The following GTPBP4 variants were observed in gnomAD, a reference collection of about 807,000 sequenced individuals.
The protein encoded by GTPBP4 is GTP binding protein 4.
Under a neutral mutation model 81.7 loss-of-function variants are expected in GTPBP4, and 15 were observed. The observed-to-expected ratio is 0.18, with a 90% CI of 0.12 to 0.28. The LOEUF (loss-of-function observed/expected upper bound fraction) is 0.28. Ranked by LOEUF, GTPBP4 falls within the 10% of genes least tolerant of loss-of-function variation. The probability of loss-of-function intolerance (pLI) is 1.00; values close to 1 mark genes in which losing one functional copy is unlikely to be tolerated. For synonymous variants in GTPBP4, 272 were observed against 274.6 expected, an observed-to-expected ratio of 0.99 and a Z score of 0.09; for missense variants, 847 against 793.8, an observed-to-expected ratio of 1.07 and a Z score of -0.81.
chr10:988,656 A>C, intron 1 of GTPBP4, 129 bp downstream of exon 1: 1 of 694,890 alleles, frequency 1.4e-6, no homozygotes, highest in Non-Finnish European at 2.5e-6. Context: ...CCTGGGCCTG[A>C]CCGTCTGGCC....
chr10:1,014,358 T>G, intron 15 of GTPBP4, 46 bp downstream of exon 15: 1 of 1,397,332 alleles, frequency 7.2e-7, no homozygotes, highest in Non-Finnish European at 1.0e-6. Context: ...GGATACACCT[T>G]TTTAATAAAG....
chr10:1,008,929 CAT>C (rs1487401411), intron 10 of GTPBP4, 27 bp from the exon 11 acceptor site: 1 of 1,528,822 alleles, frequency 6.5e-7, no homozygotes, highest in Non-Finnish European at 9.1e-7. Context: ...AGGCATTTCA[CAT>C]AAATATTTTA....
Position 1,019,752 on chromosome 10 carries a change from C to G in GTPBP4, c.*2525C>G. The stretch of plus-strand genomic sequence containing the variant: ...GTTTTTCCTCACAAGCAGAAGGTAA[C>G]AAATTTCATGCTCTCCCCAAATTCT... On this transcript the variant is annotated 3_prime_UTR_variant, in exon 17 of 17. Coordinates refer to ENST00000360803, the MANE Select transcript of GTPBP4 (RefSeq NM_012341.3). 1 of 1,613,998 alleles carries G rather than the reference C, an allele frequency of 6.2e-7. No individual in the cohort carries two copies. Among genetic ancestry groups the G allele is most frequent in the Non-Finnish European group, 8.5e-7 (1 of 1,180,008 alleles).
intron 13 of GTPBP4, 78 bp downstream of exon 13, chr10:1,010,598 CG>C: frequency 1.2e-6 from 1 of 842,984 alleles, no homozygotes; most frequent in Admixed American, 1.7e-5. Context: ...AGCATGGCTT[CG>C]GCTCAGCTGG....
chr10:1,007,945 T>C lies in GTPBP4; in HGVS notation c.1113+817T>C, dbSNP rs534763416. On this transcript the variant is annotated intron_variant, in intron 10 of 16. Coordinates refer to ENST00000360803, the MANE Select transcript of GTPBP4 (RefSeq NM_012341.3). ...ATTTGTTACTTTTGTATTACAAAGG[T>C]TGGATTCTTGTCAGATACATTGCAA... The C allele has an allele frequency of 5.8e-6, 3 of 518,276 alleles. No homozygotes were observed. In the Admixed American group the frequency reaches 5.8e-5, roughly 10 times the overall value. 32.1% of individuals were successfully genotyped at this position (518,276 alleles called of 1,614,324 possible).
chr10:1,014,503 CA>C (rs1266997870), intron 15 of GTPBP4, among the ~76,000 whole-genome samples, 191 bp downstream of exon 15: 2 of 151,004 alleles, frequency 1.3e-5, no homozygotes, highest in African/African-American at 4.9e-5. Flanking sequence ...AAAAAAAATA[CA>C]AAAAATTAGC....
At chr10:993,122 G>A (rs1831475979) in intron 2 of GTPBP4, among the ~76,000 whole-genome samples, 1 of 152,184 alleles carries the variant, frequency 6.6e-6, no homozygotes, top group African/African-American at 2.4e-5. Flanking sequence ...TTCATCAGCT[G>A]ATGACAGTCA....
chr10:993,067 T>C (rs1295363959), intron 2 of GTPBP4, among the ~76,000 whole-genome samples: 1 of 152,070 alleles, frequency 6.6e-6, no homozygotes, highest in Non-Finnish European at 1.5e-5. Context: ...TGGGCTCAGC[T>C]TGGGTCAGTG....
chr10:1,015,087 C>T (rs542479196), intron 15 of GTPBP4, among the ~76,000 whole-genome samples: 7 of 152,260 alleles, frequency 4.6e-5, no homozygotes, highest in Admixed American at 1.3e-4. Context: ...AATTGTGATG[C>T]TATACTATAA....
In GTPBP4 at chr10:1,001,531, T is replaced by C. The variant is rs1334371387; in HGVS notation, c.912+518T>C. ...CAACCTTTTTAATAGGCATCCTTCA[T>C]GATAAATGCTTTTAGAAGCGTGCAC... On this transcript the variant is annotated intron_variant, in intron 8 of 16. Transcript: ENST00000360803. 2.0e-5 allele frequency among the ~76,000 whole-genome samples: 3 copies of C among 152,238 alleles called. No individual in the cohort carries two copies. In the East Asian group the frequency reaches 5.8e-4, roughly 29 times the overall value.
At chr10:1,008,141 A>G (rs1831781604) in intron 10 of GTPBP4, 1 of 454,448 alleles carries the variant, frequency 2.2e-6, no homozygotes, top group Non-Finnish European at 4.4e-6. Context: ...TGCTGGGTGC[A>G]GTGGCTCACG....
At chr10:1,014,933 G>A (rs775664747) in intron 15 of GTPBP4, among the ~76,000 whole-genome samples, 1 of 152,038 alleles carries the variant, frequency 6.6e-6, no homozygotes, top group Non-Finnish European at 1.5e-5. Context: ...TGCCCAGGGT[G>A]TGGCTGCAGA....
intron 6 of GTPBP4, 51 bp downstream of exon 6, chr10:999,146 T>C: frequency 8.7e-6 from 9 of 1,039,010 alleles, no homozygotes; most frequent in Non-Finnish European, 1.4e-5. Flanking sequence ...GAGTTGGAGT[T>C]TCACTCTTGT....
rs139708722 is a variant in GTPBP4 at position 1,007,043 on chromosome 10, G to A, written c.1028G>A (p.Arg343Gln). 209 of 1,612,238 alleles carry A rather than the reference G, an allele frequency of 1.3e-4. 2 individuals are homozygous for A. In the African/African-American group the frequency reaches 2.2e-3, roughly 17 times the overall value. Reference sequence around the variant, plus strand: ...GCTTGCGATAGGCTTTTGGCTCATCGAGTGGAAACCAAAATGAAGGGAAAT... The same window carrying A: ...GCTTGCGATAGGCTTTTGGCTCATCAAGTGGAAACCAAAATGAAGGGAAAT... Reference protein sequence around the residue: ...TEACDRLLAHRVETKMKGNKV... With the variant: ...TEACDRLLAHQVETKMKGNKV... Residue 343 changes from arginine (R) to glutamine (Q), a missense_variant, in exon 10 of 17, where the codon CGA becomes CAA. Coordinates refer to ENST00000360803, the MANE Select transcript of GTPBP4 (RefSeq NM_012341.3).
intron 11 of GTPBP4, 80 bp downstream of exon 11, chr10:1,009,115 C>A: frequency 9.5e-7 from 1 of 1,056,978 alleles, no homozygotes; most frequent in Non-Finnish European, 1.5e-6. Context: ...CCTGGGGCAT[C>A]GAACAGGAGC....
At position 1,012,462 on chromosome 10, in the gene GTPBP4, A is replaced by C. The variant is rs1831895750; in HGVS notation, c.1345-3A>C. The C allele has an allele frequency of 2.5e-6, 4 of 1,587,718 alleles. No homozygotes were observed. The highest frequency in any genetic ancestry group is 3.4e-6 in the Non-Finnish European group (4 of 1,167,000). On this transcript the variant is annotated splice_polypyrimidine_tract_variant and splice_region_variant and intron_variant, in intron 13 of 16. Transcript: ENST00000360803. ...TTGCTTCATTACAACTCCATTTTTA[A>C]AGAAATTGGAAGAATTAGAAAAAGA...
chr10:998,609 G>T (rs1333190335), intron 5 of GTPBP4, among the ~76,000 whole-genome samples: 1 of 152,184 alleles, frequency 6.6e-6, no homozygotes, highest in Non-Finnish European at 1.5e-5. Context: ...GTTTAATTCA[G>T]CAAAATGAAA....
intron 5 of GTPBP4, 81 bp downstream of exon 5, chr10:997,389 G>A (rs1358921660): frequency 2.2e-5 from 18 of 834,326 alleles, no homozygotes; most frequent in Non-Finnish European, 3.4e-5. Context: ...GTGGGATTCA[G>A]GATGGCCTTG....
At chr10:1,011,099 C>G (rs1434325792) in intron 13 of GTPBP4, among the ~76,000 whole-genome samples, 1 of 104,436 alleles carries the variant, frequency 9.6e-6, no homozygotes. Context: ...CCTCCTGCAC[C>G]TCTTCCCCCC....
Sources: allele counts gnomAD v4.1 joint callset (sites outside exome capture counted in the v4.1 genomes callset), GRCh38; gene constraint gnomAD v4.1.1; transcripts MANE v1.5; gene names NCBI Gene and HGNC (gene_info 2026-07-23, HGNC 2026-07-21).